SLC17A8: variants seen among roughly 807,000 people sequenced by gnomAD.
The protein encoded by SLC17A8 is vesicular glutamate transporter 3.
In SLC17A8, 31 loss-of-function variants were observed where a neutral mutation model predicts 58.0. The ratio of observed to expected loss-of-function variants is 0.53; its 90% CI spans 0.40 to 0.72. SLC17A8 has a LOEUF of 0.72. Ranked by LOEUF, SLC17A8 falls within the 30% of genes least tolerant of loss-of-function variation. The pLI is 0.00. For synonymous variants in SLC17A8, 228 were observed against 249.0 expected (o/e 0.92, Z 0.79); for missense variants, 655 against 727.8 (o/e 0.90, Z 1.15).
chr12:100,386,804 C>T (rs1279792442), intron 2 of SLC17A8, among the ~76,000 whole-genome samples: 1 of 151,752 alleles, frequency 6.6e-6, no homozygotes, highest in Non-Finnish European at 1.5e-5. Context: ...TTCTCCTGCC[C>T]CAGCCTCCTG....
chr12:100,362,306 G>C (rs371592512), intron 1 of SLC17A8, among the ~76,000 whole-genome samples: 1 of 152,190 alleles, frequency 6.6e-6, no homozygotes, highest in Non-Finnish European at 1.5e-5. Flanking sequence ...ACCTCATCAC[G>C]GGAGCAGGAA....
chr12:100,379,712 T>A lies in SLC17A8; in HGVS notation c.102-989T>A, dbSNP rs7964271. On this transcript the variant is annotated intron_variant, in intron 1 of 11. Coordinates refer to ENST00000323346, the MANE Select transcript of SLC17A8 (RefSeq NM_139319.3). ...TCCGTTTGTCCAATTACTTTTTTTT[T>A]AAAAGAAGAGATAAATTCACTGTAA... Among the ~76,000 whole-genome samples, 1,382 of 152,180 alleles carry A rather than the reference T, an allele frequency of 9.1e-3. 17 individuals are homozygous for A. Among genetic ancestry groups the A allele is most frequent in the African/African-American group, 0.03 (1,258 of 41,520 alleles).
intron 1 of SLC17A8, among the ~76,000 whole-genome samples, chr12:100,369,665 T>TTTTTTG (rs1046255610): frequency 6.6e-6 from 1 of 152,208 alleles, no homozygotes; most frequent in African/African-American, 2.4e-5. Flanking sequence ...AGTAGGTGTT[T>TTTTTTG]TTTTTGTTTT....
Position 100,420,783 on chromosome 12 carries a change from AAGAC to A in SLC17A8, c.*626_*629del, listed in dbSNP as rs1215383391. 2.6e-5 allele frequency: 4 copies of A among 153,124 alleles called. No individual in the cohort carries two copies. The highest frequency in any genetic ancestry group is 9.6e-5 in the African/African-American group (4 of 41,456). The allele number at this position is 153,124 out of a possible 1,614,324, so 9.5% of individuals were successfully genotyped here. On this transcript the variant is annotated 3_prime_UTR_variant, in exon 12 of 12. Coordinates refer to ENST00000323346, the MANE Select transcript of SLC17A8 (RefSeq NM_139319.3). The stretch of plus-strand genomic sequence containing the variant: ...GGGAAGATTTCCATTCAGTGTAGGG[AAGAC>A]ATTTGTAATAATGAAAACTGAAAAT...
chr12:100,376,479 G>A (rs927808401), intron 1 of SLC17A8, among the ~76,000 whole-genome samples: 3 of 152,188 alleles, frequency 2.0e-5, no homozygotes, highest in Non-Finnish European at 4.4e-5. Flanking sequence ...ACAGGAAAGT[G>A]GTCCAAGGAA....
At chr12:100,371,737 A>G (rs1038039663) in intron 1 of SLC17A8, among the ~76,000 whole-genome samples, 5 of 152,024 alleles carry the variant, frequency 3.3e-5, no homozygotes, top group Non-Finnish European at 5.9e-5. Flanking sequence ...TTTAGTAGAG[A>G]TGGGTTTTCA....
chr12:100,377,585 A>ATATATT (rs1366447682), intron 1 of SLC17A8, among the ~76,000 whole-genome samples: 1 of 84,034 alleles, frequency 1.2e-5, no homozygotes, highest in African/African-American at 4.9e-5. Context: ...ATATATATAT[A>ATATATT]TTTTTTTTTT....
intron 1 of SLC17A8, among the ~76,000 whole-genome samples, chr12:100,368,970 C>T (rs933499964): frequency 3.3e-5 from 5 of 152,098 alleles, no homozygotes; most frequent in Middle Eastern, 3.2e-3. Flanking sequence ...AATGAAATTT[C>T]GTAAAGAATG....
chr12:100,376,370 C>A (rs1952594741), intron 1 of SLC17A8, among the ~76,000 whole-genome samples: 1 of 152,148 alleles, frequency 6.6e-6, no homozygotes, highest in African/African-American at 2.4e-5. Context: ...TCTTCTGAGT[C>A]ATGATGGCTG....
chr12:100,364,254 T>C (rs1952504154), intron 1 of SLC17A8, among the ~76,000 whole-genome samples: 1 of 152,130 alleles, frequency 6.6e-6, no homozygotes, highest in Non-Finnish European at 1.5e-5. Flanking sequence ...GATAGTGATG[T>C]TGGCTGAGAC....
Position 100,412,760 on chromosome 12 carries a change from C to T in SLC17A8, c.1187-10C>T, listed in dbSNP as rs768173927. 1.0e-5 allele frequency: 16 copies of T among 1,597,366 alleles called. No individual in the cohort carries two copies. In the Admixed American group the frequency reaches 2.5e-4, roughly 25 times the overall value. On this transcript the variant is annotated splice_polypyrimidine_tract_variant and intron_variant, in intron 9 of 11. Transcript: ENST00000323346. ...ATGACATTTTTTTCCCTTGCTGTTT[C>T]CATTTGCAGGTTTTGGCATGGAGGC...
At chr12:100,411,867 C>A (rs775188400) in intron 9 of SLC17A8, among the ~76,000 whole-genome samples, 18 of 149,880 alleles carry the variant, frequency 1.2e-4, no homozygotes, top group Non-Finnish European at 2.2e-4. Context: ...TTTTAAGAGG[C>A]CTGAGAGCTT....
rs1952800901 is a variant in SLC17A8 at position 100,402,756 on chromosome 12, A to T, written c.1053+11A>T. 4 of 1,608,526 alleles carry T rather than the reference A, an allele frequency of 2.5e-6. No individual in the cohort carries two copies. Among genetic ancestry groups the T allele is most frequent in the Non-Finnish European group, 3.4e-6 (4 of 1,178,388 alleles). Reference sequence around the variant, plus strand: ...TTTGCAATAAGTAAGGTAAACACACAGATGCTCCAAATATTTTTGAACTTT... The same window carrying T: ...TTTGCAATAAGTAAGGTAAACACACTGATGCTCCAAATATTTTTGAACTTT... On this transcript the variant is annotated intron_variant, in intron 8 of 11. Transcript: ENST00000323346.
At chr12:100,390,938 G>T in intron 2 of SLC17A8, 63 bp from the exon 3 acceptor site, 1 of 1,057,992 alleles carries the variant, frequency 9.5e-7, no homozygotes, top group Non-Finnish European at 1.5e-6. Context: ...TAGGCTCATT[G>T]GTAAAAAATG....
At chr12:100,398,519 G>C (rs1176767936) in intron 5 of SLC17A8, among the ~76,000 whole-genome samples, 1 of 152,176 alleles carries the variant, frequency 6.6e-6, no homozygotes, top group Non-Finnish European at 1.5e-5. Flanking sequence ...TTAAGAAATG[G>C]TTTGACTCTC....
rs150340481 is a variant in SLC17A8 at position 100,359,469 on chromosome 12, G to C, written c.101+1977G>C. Among the ~76,000 whole-genome samples, 364 of 152,268 alleles carry C rather than the reference G, an allele frequency of 2.4e-3. 1 individual carries two copies. Among genetic ancestry groups the C allele is most frequent in the African/African-American group, 8.1e-3 (335 of 41,552 alleles). ...GAAATTGGGCTATGTGTCTAGGACT[G>C]TTTGAATAGTTTCCTCAGAACAATA... is the stretch of plus-strand genomic sequence containing the variant. On this transcript the variant is annotated intron_variant, in intron 1 of 11. Transcript: ENST00000323346.
intron 5 of SLC17A8, among the ~76,000 whole-genome samples, chr12:100,397,542 G>A (rs549209339): frequency 6.6e-6 from 1 of 152,302 alleles, no homozygotes; most frequent in South Asian, 2.1e-4. Context: ...CTCTCTAGGT[G>A]TGGCTGGGTC....
At chr12:100,414,095 G>A (rs947150810) in intron 10 of SLC17A8, among the ~76,000 whole-genome samples, 2 of 152,140 alleles carry the variant, frequency 1.3e-5, no homozygotes, top group Non-Finnish European at 2.9e-5. Context: ...CTATGCTACT[G>A]GGTTTTTCAC....
intron 5 of SLC17A8, among the ~76,000 whole-genome samples, chr12:100,401,251 A>C (rs577613528): frequency 6.6e-6 from 1 of 151,206 alleles, no homozygotes; most frequent in Admixed American, 6.6e-5. Context: ...TGTCCACCTC[A>C]GCCTCCCAAA....
Sources: allele counts gnomAD v4.1 joint callset (sites outside exome capture counted in the v4.1 genomes callset), GRCh38; gene constraint gnomAD v4.1.1; transcripts MANE v1.5; gene names NCBI Gene and HGNC (gene_info 2026-07-23, HGNC 2026-07-21).